Variants in C3 observed in about 807,000 individuals in gnomAD.
C3 encodes the protein C3 and PZP-like alpha-2-macroglobulin domain-containing protein 1.
Under a neutral mutation model 207.9 loss-of-function variants are expected in C3, and 97 were observed. That is an observed-to-expected ratio of 0.47 (90% CI 0.40 to 0.55). The LOEUF is 0.55. Ranked by LOEUF, C3 falls within the 20% of genes least tolerant of loss-of-function variation. The pLI is 0.00. For missense variants in C3, 1,684 were observed against 2,171.7 expected, an observed-to-expected ratio of 0.78 and a Z score of 4.46; for synonymous variants, 848 against 857.6, an observed-to-expected ratio of 0.99 and a Z score of 0.20.
At chr19:6,689,374 T>TAC (rs1918113848) in intron 27 of C3, among the ~76,000 whole-genome samples, 3 of 116,310 alleles carry the variant, frequency 2.6e-5, no homozygotes, top group Admixed American at 8.9e-5. Flanking sequence ...TCTCTCTCTC[T>TAC]CTCTCTCTCT....
In C3 at chr19:6,681,935, C is replaced by A. The variant is rs369993135; in HGVS notation, c.4350+6G>T. The A allele has an allele frequency of 1.9e-5, 31 of 1,609,124 alleles. No individual in the cohort carries two copies. In the African/African-American group the frequency reaches 3.7e-4, roughly 19 times the overall value. ...AGCCTCCCAGGGGAGGATGATGCAG[C>A]CTTACCTTGTCCAGGTAGATGATGA... On this transcript the variant is annotated splice_donor_region_variant and intron_variant, in intron 35 of 40. Coordinates refer to ENST00000245907, the MANE Select transcript of C3 (RefSeq NM_000064.4).
Position 6,699,930 on chromosome 19 carries a change from T to C in C3, c.2441-2136A>G, listed in dbSNP as rs375738203. On this transcript the variant is annotated intron_variant, in intron 19 of 40. Coordinates refer to ENST00000245907, the MANE Select transcript of C3 (RefSeq NM_000064.4). The stretch of plus-strand genomic sequence containing the variant: ...TTATGATATGGTATAATTATAGATA[T>C]GTAATCAATAATAAATGATACATCA... Among the ~76,000 whole-genome samples, 16 of 150,014 alleles carry C rather than the reference T, an allele frequency of 1.1e-4. No homozygotes were observed. The East Asian group carries it at 1.2e-3, about 11-fold the overall frequency.
rs1252546251 is a variant in C3, at chr19:6,696,430, G to C, written c.2899C>G (p.Leu967Val). 1.9e-6 allele frequency: 3 copies of C among 1,613,734 alleles called. No individual in the cohort carries two copies. Among genetic ancestry groups the C allele is most frequent in the Non-Finnish European group, 2.5e-6 (3 of 1,179,860 alleles). ...TCGGTGTCCGGGACTTGGTCACTGA[G>C]GTCTGCAGGTGGGATGTCCTCTTTC... ...VQKEDIPPADLSDQVPDTESE... is the reference protein window; with the variant it reads ...VQKEDIPPADVSDQVPDTESE... Residue 967 changes from leucine (L) to valine (V), a missense_variant, in exon 23 of 41, where the codon CTC (leucine) becomes GTC (valine). Around this residue, in one of 3 missense-constraint regions of C3, gnomAD observed 1,280 missense variants for 1,739.1 expected, o/e 0.74. Transcript: ENST00000245907.
At chr19:6,705,944 G>A (rs1021410394) in intron 17 of C3, among the ~76,000 whole-genome samples, 9 of 140,892 alleles carry the variant, frequency 6.4e-5, no homozygotes, top group Admixed American at 2.1e-4. Context: ...AAAGTGCTGC[G>A]ATTGCCGGTG....
At chr19:6,687,112 AC>A (rs1350481917) in intron 27 of C3, among the ~76,000 whole-genome samples, 1 of 152,146 alleles carries the variant, frequency 6.6e-6, no homozygotes, top group Non-Finnish European at 1.5e-5. Flanking sequence ...GGAGAAATCC[AC>A]GTACCCCGTG....
In C3 at chr19:6,689,334, TCC is replaced by T. The variant is rs1568213457; in HGVS notation, c.3489+1293_3489+1294del. 3.0e-3 allele frequency among the ~76,000 whole-genome samples: 114 copies of T among 37,756 alleles called. 6 individuals are homozygous for T. The highest frequency in any genetic ancestry group is 0.013 in the African/African-American group (93 of 6,948). 24.8% of individuals were successfully genotyped at this position (37,756 alleles called of 152,430 possible). On this transcript the variant is annotated intron_variant, in intron 27 of 40. Transcript: ENST00000245907. ...CTCTCTCTCTCTCTACCTACCTCCC[TCC>T]CTCCCTCCCTCCCTCCCTCCCTCCC...
intron 11 of C3, 40 bp downstream of exon 11, chr19:6,712,217 C>T (rs1413131510): frequency 6.2e-7 from 1 of 1,611,768 alleles, no homozygotes. Context: ...CCTGTACCGT[C>T]TTCCCAGTGA....
At position 6,678,606 on chromosome 19, in the gene C3, C is replaced by A. The variant is rs565952834; in HGVS notation, c.4631-151G>T. ...TCACACTATGGCCCACCCCTCATTA[C>A]ACACACAACCATAGAGGGTCCCATG... On this transcript the variant is annotated intron_variant, in intron 38 of 40. Transcript: ENST00000245907. 23 of 680,570 alleles carry A rather than the reference C, an allele frequency of 3.4e-5. No individual in the cohort carries two copies. In the East Asian group the frequency reaches 5.1e-4, roughly 15 times the overall value. 42.2% of individuals were successfully genotyped at this position (680,570 alleles called of 1,614,324 possible). A position where few individuals can be genotyped will look rare whatever the true frequency, so the allele number is the denominator to read the frequency against.
chr19:6,704,278 T>G (rs553448167), intron 17 of C3, among the ~76,000 whole-genome samples: 1 of 152,164 alleles, frequency 6.6e-6, no homozygotes, highest in East Asian at 1.9e-4. Context: ...AAGAGCAAGA[T>G]CCTGCCTCTA....
intron 31 of C3, 23 bp from the exon 32 acceptor site, chr19:6,684,673 A>G (rs1161709822): frequency 1.2e-6 from 2 of 1,607,474 alleles, no homozygotes; most frequent in Admixed American, 3.3e-5. Context: ...GAGAGGAGAC[A>G]CAATGTCAGC....
At chr19:6,681,557 A>G (rs1568210238) in intron 35 of C3, among the ~76,000 whole-genome samples, 1 of 152,008 alleles carries the variant, frequency 6.6e-6, no homozygotes, top group Non-Finnish European at 1.5e-5. Context: ...TGAAAGAAAG[A>G]AAACAACAGA....
At position 6,719,532 on chromosome 19, in the gene C3, G is replaced by A; in HGVS notation, c.75-129C>T. The A allele has an allele frequency of 1.3e-6, 1 of 790,810 alleles. No homozygotes were observed. Among genetic ancestry groups the A allele is most frequent in the East Asian group, 2.6e-5 (1 of 38,186 alleles). The allele number at this position is 790,810 out of a possible 1,614,324, so 49.0% of individuals were successfully genotyped here. A position where few individuals can be genotyped will look rare whatever the true frequency, so the allele number is the denominator to read the frequency against. The stretch of plus-strand genomic sequence containing the variant: ...CCTGGAGAGGATCCAGTGACTGCCG[G>A]CGCACTTGCCAATGCCATTATCTTC... On this transcript the variant is annotated intron_variant, in intron 1 of 40. Transcript: ENST00000245907. This position sits in a 1 kb window ranked among gnomAD's most constrained non-coding sequence, Gnocchi z 5.4.
intron 23 of C3, among the ~76,000 whole-genome samples, chr19:6,695,247 C>T (rs1307015721): frequency 6.8e-6 from 1 of 147,342 alleles, no homozygotes; most frequent in South Asian, 2.1e-4. Flanking sequence ...TCTAGCCTGG[C>T]GACAGAGTGA....
chr19:6,697,768 C>T lies in C3; in HGVS notation c.2467G>A (p.Val823Ile). Residue 823 changes from valine (V) to isoleucine (I), a missense_variant, in exon 20 of 41, where the codon GTC becomes ATC. Transcript: ENST00000245907. ...ATGAAGAAGTCCTGCATTACTGTGA[C>T]CTCGAAGGGGTCTGCCACACAGATC... ...KGICVADPFE[V>I]TVMQDFFIDL... 1.2e-6 allele frequency: 2 copies of T among 1,613,764 alleles called. No individual in the cohort carries two copies. The highest frequency in any genetic ancestry group is 1.7e-6 in the Non-Finnish European group (2 of 1,179,956).
At chr19:6,678,080 G>A (rs1917760031) in intron 40 of C3, 57 bp from the exon 41 acceptor site, 2 of 1,614,064 alleles carry the variant, frequency 1.2e-6, no homozygotes, top group Non-Finnish European at 1.7e-6. Context: ...GCGCAGGGGC[G>A]TGACAATGGT....
rs369766946 is a variant in C3 at position 6,707,209 on chromosome 19, C to T, written c.2112G>A (p.Arg704=). 1.1e-5 allele frequency: 17 copies of T among 1,613,714 alleles called. No individual in the cohort carries two copies. In the South Asian group the frequency reaches 1.2e-4, roughly 11 times the overall value. ...CEDGMRENPM[R]FSCQRRTRFI... is the part of the protein sequence containing the mutation. ...AACGGGTCCGGCGCTGGCACGAGAA[C>T]CTCATGGGGTTCTCCCGCATGCCGT... is the stretch of plus-strand genomic sequence containing the variant. The change falls in exon 17 of 41, where the codon AGG becomes AGA. Residue 704 remains arginine (R), a synonymous_variant. Transcript: ENST00000245907.
At chr19:6,714,780 T>G (rs1967998134) in intron 4 of C3, among the ~76,000 whole-genome samples, 2 of 152,176 alleles carry the variant, frequency 1.3e-5, no homozygotes, top group Non-Finnish European at 2.9e-5. Context: ...GAGAATCGCT[T>G]GAACCCGGGA....
At chr19:6,696,571 C>T (rs1160584307) in intron 22 of C3, 22 bp downstream of exon 22, 1 of 1,613,074 alleles carries the variant, frequency 6.2e-7, no homozygotes, top group Non-Finnish European at 8.5e-7. Context: ...CCCCTCAGCC[C>T]CTCCCCCTGC....
At chr19:6,712,760 C>T (rs1967946659) in intron 9 of C3, 137 bp from the exon 10 acceptor site, 1 of 766,160 alleles carries the variant, frequency 1.3e-6, no homozygotes, top group Admixed American at 2.0e-5. Flanking sequence ...CCTGTGCCCC[C>T]CATCAGACTG....
Sources: gnomAD v4.1 joint callset for allele counts (sites outside exome capture counted in the v4.1 genomes callset) on GRCh38, gnomAD v4.1.1 for gene constraint, gnomAD v4.1.1 regional missense constraint, Gnocchi (gnomAD v3.1) non-coding constraint, MANE v1.5 for transcripts, NCBI Gene and HGNC (gene_info 2026-07-23, HGNC 2026-07-21) for gene names.